Variants in CHN2 observed in about 807,000 individuals in gnomAD.
The protein encoded by CHN2 is beta-chimaerin.
Under a neutral mutation model 56.3 loss-of-function variants are expected in CHN2, and 35 were observed. The ratio of observed to expected loss-of-function variants is 0.62; its 90% confidence interval spans 0.47 to 0.82. CHN2 has a LOEUF of 0.82. Among genes scored for constraint, CHN2 ranks in the 40% least tolerant of loss-of-function variants. The pLI is 0.00. For missense variants in CHN2, 491 were observed against 580.5 expected (o/e 0.85, Z 1.58); for synonymous variants, 210 against 212.8 (o/e 0.99, Z 0.12).
chr7:29,359,393 C>T (rs1225824308), intron 2 of CHN2, among the ~76,000 whole-genome samples: 1 of 152,094 alleles, frequency 6.6e-6, no homozygotes, highest in African/African-American at 2.4e-5. Context: ...TTAGTCACTC[C>T]TTCATTCAAC....
chr7:29,513,053 G>T lies in CHN2; in HGVS notation c.*318G>T. 4.9e-6 allele frequency: 1 copy of T among 204,658 alleles called. No homozygotes were observed. The highest frequency in any genetic ancestry group is 9.7e-6 in the Non-Finnish European group (1 of 102,792). 12.7% of individuals were successfully genotyped at this position (204,658 alleles called of 1,614,324 possible). A position where few individuals can be genotyped will look rare whatever the true frequency, so the allele number is the denominator to read the frequency against. The stretch of plus-strand genomic sequence containing the variant: ...TAGACCTTTAAACTTCAGTCTTATT[G>T]GTAATAAAAGGGAACTTAATTCATA... On this transcript the variant is annotated 3_prime_UTR_variant, in exon 13 of 13. Transcript: ENST00000222792.
chr7:29,175,772 G>A (rs551277000), intron 2 of CHN2, among the ~76,000 whole-genome samples: 33 of 152,222 alleles, frequency 2.2e-4, no homozygotes, highest in African/African-American at 7.9e-4. Flanking sequence ...CAAAAAAACA[G>A]TGAAAAATAT....
At chr7:29,155,185 C>T (rs1022350360) in intron 2 of CHN2, among the ~76,000 whole-genome samples, 6 of 152,006 alleles carry the variant, frequency 3.9e-5, no homozygotes, top group Non-Finnish European at 8.8e-5. Context: ...AACCATATCA[C>T]TCCATCTCAA....
intron 6 of CHN2, among the ~76,000 whole-genome samples, chr7:29,439,520 G>A (rs767308019): frequency 2.6e-5 from 4 of 151,884 alleles, no homozygotes; most frequent in African/African-American, 4.8e-5. Flanking sequence ...CTCCAGTGTC[G>A]CCCCTCTAAG....
At chr7:29,291,366 C>T (rs1221911199) in intron 1 of CHN2, among the ~76,000 whole-genome samples, 1 of 152,076 alleles carries the variant, frequency 6.6e-6, no homozygotes, top group East Asian at 1.9e-4. Flanking sequence ...CTGATGGTCT[C>T]CTGACATTCC....
rs543994488 is a variant in CHN2 at position 29,264,288 on chromosome 7, C to T, written c.49+69298C>T. Reference sequence around the variant, plus strand: ...CTGGGAAGTGAGGAGCCCCTCTGCCCGGCCGTAACCCCGTCTGGGAGGTGT... The same window carrying T: ...CTGGGAAGTGAGGAGCCCCTCTGCCTGGCCGTAACCCCGTCTGGGAGGTGT... On this transcript the variant is annotated intron_variant, in intron 1 of 12. Transcript: ENST00000222792. Among the ~76,000 whole-genome samples the T allele has an allele frequency of 3.9e-3, 594 of 152,104 alleles. 7 individuals carry two copies. Among genetic ancestry groups the T allele is most frequent in the Admixed American group, 0.022 (329 of 15,290 alleles).
At chr7:29,420,421 A>G (rs780872730) in intron 6 of CHN2, among the ~76,000 whole-genome samples, 2 of 152,252 alleles carry the variant, frequency 1.3e-5, no homozygotes, top group African/African-American at 2.4e-5. Flanking sequence ...ATAGACATGC[A>G]GTGGAACATA....
chr7:29,508,391 C>CTTGTTG (rs768847314), intron 11 of CHN2, among the ~76,000 whole-genome samples: 1 of 144,054 alleles, frequency 6.9e-6, no homozygotes, highest in Non-Finnish European at 1.5e-5. Context: ...GAAGTTTTTG[C>CTTGTTG]TTGTTGTTGT....
chr7:29,387,371 G>A (rs1157695763), intron 3 of CHN2, among the ~76,000 whole-genome samples: 1 of 152,204 alleles, frequency 6.6e-6, no homozygotes, highest in East Asian at 1.9e-4. Flanking sequence ...TGATGAGCAA[G>A]GGTCCACATG....
chr7:29,489,795 G>A (rs530661110), intron 7 of CHN2, among the ~76,000 whole-genome samples: 1 of 152,278 alleles, frequency 6.6e-6, no homozygotes, highest in East Asian at 1.9e-4. Context: ...GATACTTGTT[G>A]GGAAAGGATG....
intron 2 of CHN2, among the ~76,000 whole-genome samples, chr7:29,363,945 G>A (rs1798936264): frequency 6.6e-6 from 1 of 152,172 alleles, no homozygotes; most frequent in East Asian, 1.9e-4. Flanking sequence ...GTGGGGACAA[G>A]AGGATTGTTT....
At chr7:29,397,142 C>G (rs954879567) in intron 4 of CHN2, 1 of 152,210 alleles carries the variant, frequency 6.6e-6, no homozygotes, top group South Asian at 2.1e-4. Flanking sequence ...CTTTAAGAAG[C>G]GATTTTGAAA....
At chr7:29,388,198 G>C (rs114518919) in intron 3 of CHN2, among the ~76,000 whole-genome samples, 146 of 152,314 alleles carry the variant, frequency 9.6e-4, no homozygotes, top group African/African-American at 3.2e-3. Context: ...AGGGGTAGCT[G>C]CATTTACTCT....
rs528035980 is a variant in CHN2 at position 29,367,959 on chromosome 7, G to C, written c.116G>C (p.Arg39Pro). The change falls in exon 3 of 13, where the codon CGT becomes CCT. Residue 39 changes from arginine to proline, a missense_variant. By Grantham distance (103) the Arg-to-Pro change is moderately radical. Coordinates refer to ENST00000222792, the MANE Select transcript of CHN2 (RefSeq NM_004067.4). The stretch of plus-strand genomic sequence containing the variant: ...TATCAGTTACAGCAAGAGGCACCTC[G>C]TCCCAAGAGAATCATTTGTCCTCGG... ...YLYQLQQEAP[R>P]PKRIICPREV... is the part of the protein sequence containing the mutation. 3 of 1,610,386 alleles carry C rather than the reference G, an allele frequency of 1.9e-6. No homozygotes were observed. The highest frequency in any genetic ancestry group is 1.3e-5 in the African/African-American group (1 of 74,778).
At chr7:29,477,437 C>A (rs1411135717) in intron 6 of CHN2, among the ~76,000 whole-genome samples, 1 of 152,158 alleles carries the variant, frequency 6.6e-6, no homozygotes, top group Non-Finnish European at 1.5e-5. Flanking sequence ...CTTTTGGCCA[C>A]TTTCCATGTA....
Position 29,212,275 on chromosome 7 carries a change from T to G in CHN2, c.49+17285T>G, listed in dbSNP as rs528143890. Reference sequence around the variant, plus strand: ...TTTTTTCCAGTCCACCTCTTAAATTTTTTCCCCCTCTTCCTCAATACTAAC... The same window carrying G: ...TTTTTTCCAGTCCACCTCTTAAATTGTTTCCCCCTCTTCCTCAATACTAAC... On this transcript the variant is annotated intron_variant, in intron 1 of 12. Transcript: ENST00000222792. The G allele has an allele frequency of 3.7e-4, 383 of 1,028,438 alleles. 2 individuals carry two copies. The African/African-American group carries it at 5.6e-3, about 15-fold the overall frequency. The allele number at this position is 1,028,438 out of a possible 1,614,324, so 63.7% of individuals were successfully genotyped here.
intron 4 of CHN2, among the ~76,000 whole-genome samples, chr7:29,395,029 GT>G (rs529930586): frequency 6.6e-6 from 1 of 152,170 alleles, no homozygotes; most frequent in South Asian, 2.1e-4. Flanking sequence ...AATGAAGGGT[GT>G]TTTTTTCTTC....
At chr7:29,354,971 T>TATTTATTTATTA (rs1798180561) in intron 2 of CHN2, among the ~76,000 whole-genome samples, 1 of 151,068 alleles carries the variant, frequency 6.6e-6, no homozygotes, top group Admixed American at 6.6e-5. Context: ...TTTATTTATT[T>TATTTATTTATTA]ATTTTTTATT....
intron 2 of CHN2, among the ~76,000 whole-genome samples, chr7:29,186,280 G>C (rs1467511716): frequency 6.6e-6 from 1 of 152,092 alleles, no homozygotes; most frequent in Admixed American, 6.5e-5. Context: ...TATCATCATA[G>C]GTTCAAATTG....
Sources: allele counts gnomAD v4.1 joint callset (sites outside exome capture counted in the v4.1 genomes callset), GRCh38; gene constraint gnomAD v4.1.1; transcripts MANE v1.5; gene names NCBI Gene and HGNC (gene_info 2026-07-23, HGNC 2026-07-21).